The following RIT2 variants were observed in gnomAD, a reference collection of about 807,000 sequenced individuals.
RIT2 encodes GTP-binding protein Rit2.
Under a neutral mutation model 23.7 loss-of-function variants are expected in RIT2, and 24 were observed. The ratio of observed to expected loss-of-function variants is 1.01; its 90% CI spans 0.73 to 1.43. The LOEUF (loss-of-function observed/expected upper bound fraction) is 1.43. Among genes scored for constraint, RIT2 ranks in the 40% most tolerant of loss-of-function variants. The pLI is 0.00. For synonymous variants in RIT2, 107 were observed against 91.1 expected (o/e 1.17, Z -0.99); for missense variants, 236 against 266.9 (o/e 0.88, Z 0.81).
chr18:42,936,543 A>T (rs1909463366), intron 3 of RIT2, among the ~76,000 whole-genome samples: 1 of 152,184 alleles, frequency 6.6e-6, no homozygotes, highest in Non-Finnish European at 1.5e-5. Flanking sequence ...CAGAAACATT[A>T]CACATCTTTC....
chr18:42,833,309 T>C (rs1906512169), intron 4 of RIT2, among the ~76,000 whole-genome samples: 1 of 152,294 alleles, frequency 6.6e-6, no homozygotes, highest in Admixed American at 6.5e-5. Flanking sequence ...CTGCAAATTA[T>C]AGGATTTCAT....
chr18:42,956,536 C>T (rs535204545), intron 3 of RIT2, among the ~76,000 whole-genome samples: 251 of 152,202 alleles, frequency 1.6e-3, no homozygotes, highest in Non-Finnish European at 2.8e-3. Context: ...GTTTGAGAGA[C>T]GGTGAATCTA....
chr18:43,058,329 A>G (rs753471531), intron 1 of RIT2, among the ~76,000 whole-genome samples: 7 of 152,142 alleles, frequency 4.6e-5, no homozygotes, highest in Non-Finnish European at 8.8e-5. Context: ...TCTTAGACAT[A>G]AAGATTCTAC....
At chr18:42,761,285 A>AT in intron 4 of RIT2, among the ~76,000 whole-genome samples, 1 of 152,246 alleles carries the variant, frequency 6.6e-6, no homozygotes, top group South Asian at 2.1e-4. Flanking sequence ...CAGGTTTTCT[A>AT]AAGTAACTCC....
intron 4 of RIT2, among the ~76,000 whole-genome samples, chr18:42,800,381 T>G (rs1160188161): frequency 6.6e-6 from 1 of 152,360 alleles, no homozygotes; most frequent in South Asian, 2.1e-4. Context: ...TCTAGATTTC[T>G]GTGGTACTTC....
intron 4 of RIT2, among the ~76,000 whole-genome samples, chr18:42,747,054 C>T (rs1305628607): frequency 6.6e-6 from 1 of 151,976 alleles, no homozygotes. Context: ...CTAGGCAGAA[C>T]AATCAGACAA....
At chr18:42,789,200 G>A (rs1417780632) in intron 4 of RIT2, among the ~76,000 whole-genome samples, 1 of 152,110 alleles carries the variant, frequency 6.6e-6, no homozygotes, top group Non-Finnish European at 1.5e-5. Context: ...TGTAACATCA[G>A]TACAAATGTC....
intron 4 of RIT2, among the ~76,000 whole-genome samples, chr18:42,782,261 C>T (rs1320213648): frequency 6.6e-6 from 1 of 152,032 alleles, no homozygotes; most frequent in African/African-American, 2.4e-5. Context: ...GATTAGTGCT[C>T]ATGTATTTTT....
At chr18:42,790,973 C>T (rs1280916851) in intron 4 of RIT2, among the ~76,000 whole-genome samples, 1 of 152,076 alleles carries the variant, frequency 6.6e-6, no homozygotes, top group Non-Finnish European at 1.5e-5. Flanking sequence ...TCTTGGCTGC[C>T]CATCAGACAC....
intron 4 of RIT2, among the ~76,000 whole-genome samples, chr18:42,762,190 C>T (rs1313511263): frequency 6.6e-6 from 1 of 151,972 alleles, no homozygotes; most frequent in East Asian, 1.9e-4. Flanking sequence ...CCAGAATAAC[C>T]CTCCCCTCCA....
chr18:42,811,673 T>C (rs1316315396), intron 4 of RIT2, among the ~76,000 whole-genome samples: 1 of 152,108 alleles, frequency 6.6e-6, no homozygotes, highest in Non-Finnish European at 1.5e-5. Context: ...ATGGCTTAGT[T>C]GAAAAATATG....
intron 4 of RIT2, among the ~76,000 whole-genome samples, chr18:42,825,790 A>G (rs1906278539): frequency 1.3e-5 from 2 of 151,956 alleles, no homozygotes; most frequent in African/African-American, 4.8e-5. Flanking sequence ...GGTCTGTTCA[A>G]TTGAAAACTA....
intron 4 of RIT2, among the ~76,000 whole-genome samples, chr18:42,768,977 G>C (rs979795304): frequency 2.6e-5 from 4 of 152,106 alleles, no homozygotes; most frequent in African/African-American, 9.7e-5. Flanking sequence ...CCCAGGCCAG[G>C]CTATTCAGAG....
At chr18:43,009,978 C>T (rs1911315290) in intron 2 of RIT2, among the ~76,000 whole-genome samples, 1 of 151,746 alleles carries the variant, frequency 6.6e-6, no homozygotes, top group African/African-American at 2.4e-5. Flanking sequence ...CAGCTAGTGC[C>T]AAATGATTGC....
At chr18:43,068,449 C>G (rs193099563) in intron 1 of RIT2, among the ~76,000 whole-genome samples, 1 of 152,030 alleles carries the variant, frequency 6.6e-6, no homozygotes, top group Non-Finnish European at 1.5e-5. Context: ...ACCCAGGGAA[C>G]AGCAGCAATT....
intron 4 of RIT2, among the ~76,000 whole-genome samples, chr18:42,851,905 C>T (rs1017867608): frequency 1.1e-4 from 16 of 152,092 alleles, no homozygotes; most frequent in African/African-American, 3.9e-4. Flanking sequence ...CTGTAACTCC[C>T]ATGGGTAATA....
At chr18:43,056,180 C>A (rs1462033015) in intron 1 of RIT2, among the ~76,000 whole-genome samples, 1 of 152,050 alleles carries the variant, frequency 6.6e-6, no homozygotes, top group Non-Finnish European at 1.5e-5. Context: ...AGAAGCCTAA[C>A]CTTACCAGGA....
At chr18:43,021,589 T>C (rs1911599269) in intron 2 of RIT2, among the ~76,000 whole-genome samples, 1 of 152,084 alleles carries the variant, frequency 6.6e-6, no homozygotes, top group Non-Finnish European at 1.5e-5. Context: ...ATTCCCTGGG[T>C]ACTGTTCCTG....
chr18:42,801,714 T>C (rs1905544122), intron 4 of RIT2, among the ~76,000 whole-genome samples: 1 of 152,228 alleles, frequency 6.6e-6, no homozygotes, highest in African/African-American at 2.4e-5. Flanking sequence ...CCTTGGTTAC[T>C]AGTACCAATT....
Sources: gnomAD v4.1 joint callset for allele counts (sites outside exome capture counted in the v4.1 genomes callset) on GRCh38, gnomAD v4.1.1 for gene constraint, MANE v1.5 for transcripts, NCBI Gene and HGNC (gene_info 2026-07-23, HGNC 2026-07-21) for gene names.